The following CSMD1 variants were observed in gnomAD, a reference collection of about 807,000 sequenced individuals.
The protein encoded by CSMD1 is CUB and Sushi multiple domains 1.
In CSMD1, 213 loss-of-function variants were observed where a neutral mutation model predicts 417.5. The ratio of observed to expected loss-of-function variants is 0.51; its 90% CI spans 0.46 to 0.57. The LOEUF is 0.57. Among genes scored for constraint, CSMD1 ranks in the 20% least tolerant of loss-of-function variants. The pLI is 0.00. For synonymous variants in CSMD1, 2,862 were observed against 1,736.8 expected (o/e 1.65, Z -16.11); for missense variants, 6,923 against 4,529.7 (o/e 1.53, Z -15.17).
intron 8 of CSMD1, among the ~76,000 whole-genome samples, chr8:3,604,269 G>C (rs980363372): frequency 3.9e-5 from 6 of 152,064 alleles, no homozygotes; most frequent in African/African-American, 1.4e-4. Context: ...GTCAGTGCTA[G>C]AAAGTCAAAG....
At chr8:4,285,654 C>T (rs1797020128) in intron 3 of CSMD1, among the ~76,000 whole-genome samples, 1 of 152,160 alleles carries the variant, frequency 6.6e-6, no homozygotes, top group African/African-American at 2.4e-5. Context: ...TTGGTCTTTG[C>T]TTTTCTTGAA....
At chr8:4,362,280 G>T (rs1240014002) in intron 3 of CSMD1, among the ~76,000 whole-genome samples, 1 of 152,048 alleles carries the variant, frequency 6.6e-6, no homozygotes, top group Admixed American at 6.6e-5. Flanking sequence ...CACAAGCAGT[G>T]GACTCCTCCT....
At chr8:3,323,063 A>G (rs156072) in intron 23 of CSMD1, among the ~76,000 whole-genome samples, 149,738 of 152,292 alleles carry the variant, frequency 0.98, 73,671 homozygotes, top group East Asian at 1. Flanking sequence ...TCACTGTCCT[A>G]TAAATTATGC....
chr8:4,320,184 T>G (rs540741173), intron 3 of CSMD1, among the ~76,000 whole-genome samples: 1 of 152,238 alleles, frequency 6.6e-6, no homozygotes. Flanking sequence ...TATCCAGCAC[T>G]TAACAAGGTA....
chr8:3,722,993 T>C (rs1802275240), intron 6 of CSMD1, among the ~76,000 whole-genome samples: 1 of 152,176 alleles, frequency 6.6e-6, no homozygotes, highest in African/African-American at 2.4e-5. Flanking sequence ...ATTTCCCAAT[T>C]CTGCAGGTGA....
intron 3 of CSMD1, among the ~76,000 whole-genome samples, chr8:4,280,313 A>G (rs1446063412): frequency 6.6e-6 from 1 of 151,086 alleles, no homozygotes; most frequent in East Asian, 1.9e-4. Context: ...GCTTTGAAAG[A>G]GAGTGGATAT....
At chr8:3,919,638 A>G (rs564529869) in intron 5 of CSMD1, among the ~76,000 whole-genome samples, 6 of 152,216 alleles carry the variant, frequency 3.9e-5, no homozygotes, top group African/African-American at 1.4e-4. Context: ...ATTCCATACA[A>G]ATTTTATGAC....
rs1255304475 is a variant in CSMD1 at position 4,453,851 on chromosome 8, TCA to T, written c.303-33788_303-33787del. Reference sequence around the variant, plus strand: ...TTTTTTTTTTTTTTGAGACAGAGTCTCACTCTGTCACCCACGCTGGAGTGCAC... The same window carrying T: ...TTTTTTTTTTTTTTGAGACAGAGTCTCTCTGTCACCCACGCTGGAGTGCAC... On this transcript the variant is annotated intron_variant, in intron 2 of 69. Transcript: ENST00000635120. 3.1e-4 allele frequency among the ~76,000 whole-genome samples: 37 copies of T among 119,992 alleles called. No individual in the cohort carries two copies. The Admixed American group carries it at 3.9e-3, about 13-fold the overall frequency. The allele number at this position is 119,992 out of a possible 152,430, so 78.7% of individuals were successfully genotyped here.
At chr8:4,125,137 A>G (rs960001215) in intron 3 of CSMD1, among the ~76,000 whole-genome samples, 6 of 151,692 alleles carry the variant, frequency 4.0e-5, no homozygotes, top group African/African-American at 1.5e-4. Context: ...AAAACCTTTG[A>G]TCAGGAGAAG....
intron 26 of CSMD1, 27 bp downstream of exon 26, chr8:3,284,117 A>G (rs1563224042): frequency 3.9e-6 from 6 of 1,521,600 alleles, no homozygotes; most frequent in Non-Finnish European, 5.4e-6. Flanking sequence ...ATATCAAGGT[A>G]AAGAAGAAGC....
intron 1 of CSMD1, among the ~76,000 whole-genome samples, chr8:4,908,819 A>G (rs919129486): frequency 6.6e-6 from 1 of 152,082 alleles, no homozygotes; most frequent in African/African-American, 2.4e-5. Context: ...TTTTCCCATT[A>G]GCACTCTAAG....
intron 25 of CSMD1, among the ~76,000 whole-genome samples, chr8:3,294,581 C>T (rs1262919339): frequency 6.6e-6 from 1 of 152,104 alleles, no homozygotes. Flanking sequence ...GCTGTGCTAG[C>T]AATGAGTGAG....
intron 5 of CSMD1, among the ~76,000 whole-genome samples, chr8:3,811,041 G>C (rs995790812): frequency 6.6e-6 from 1 of 152,132 alleles, no homozygotes; most frequent in Admixed American, 6.5e-5. Context: ...TACTGGCAGG[G>C]GATGAATCTT....
chr8:4,293,765 G>C (rs899406025), intron 3 of CSMD1, among the ~76,000 whole-genome samples: 1 of 152,174 alleles, frequency 6.6e-6, no homozygotes, highest in African/African-American at 2.4e-5. Context: ...TCTTATATCA[G>C]TTTGGTACAA....
At chr8:4,236,035 G>GTTTTTTTTTTTTTTTTTTTTTTTTTTTTT (rs869046913) in intron 3 of CSMD1, among the ~76,000 whole-genome samples, 1 of 112,614 alleles carries the variant, frequency 8.9e-6, no homozygotes, top group African/African-American at 3.9e-5. Context: ...TGTTTTTTTT[G>GTTTTTTTTTTTTTTTTTTTTTTTTTTTTT]TTTGTTTTTT....
At chr8:4,080,657 CA>C (rs1232302150) in intron 3 of CSMD1, among the ~76,000 whole-genome samples, 1 of 152,078 alleles carries the variant, frequency 6.6e-6, no homozygotes, top group Non-Finnish European at 1.5e-5. Flanking sequence ...CACGACAAGA[CA>C]AAAGTAACAG....
intron 11 of CSMD1, among the ~76,000 whole-genome samples, chr8:3,493,067 G>T (rs926793273): frequency 1.3e-5 from 2 of 152,056 alleles, no homozygotes; most frequent in African/African-American, 2.4e-5. Flanking sequence ...GCTGAAGTGG[G>T]CAAATCACCA....
chr8:3,303,880 T>C (rs772911911), intron 25 of CSMD1, among the ~76,000 whole-genome samples: 127 of 152,054 alleles, frequency 8.4e-4, no homozygotes, highest in Non-Finnish European at 1.2e-3. Flanking sequence ...ATAGCATACA[T>C]GTTAAAATTA....
At chr8:3,792,385 C>T (rs1799802362) in intron 5 of CSMD1, among the ~76,000 whole-genome samples, 1 of 152,176 alleles carries the variant, frequency 6.6e-6, no homozygotes, top group Admixed American at 6.5e-5. Flanking sequence ...TAGCCACTTC[C>T]TGCCTCATTT....
Sources: allele counts gnomAD v4.1 joint callset (sites outside exome capture counted in the v4.1 genomes callset), GRCh38; gene constraint gnomAD v4.1.1; transcripts MANE v1.5; gene names NCBI Gene and HGNC (gene_info 2026-07-23, HGNC 2026-07-21).